Variants in CLASP1 observed in about 807,000 individuals in gnomAD.
CLASP1 encodes CLIP-associating protein 1.
CLASP1 carries 38 observed loss-of-function variants against 192.3 expected under a neutral mutation model. That is an observed-to-expected ratio of 0.20 (90% CI 0.15 to 0.26). CLASP1 has a LOEUF of 0.26. Ranked by LOEUF, CLASP1 falls within the 10% of genes least tolerant of loss-of-function variation. The pLI, the probability that CLASP1 is intolerant of heterozygous loss-of-function variation, is 1.00. For synonymous variants in CLASP1, 691 were observed against 712.8 expected, an observed-to-expected ratio of 0.97 and a Z score of 0.49; for missense variants, 1,433 against 1,932.5, an observed-to-expected ratio of 0.74 and a Z score of 4.85.
At chr2:121,437,397 GA>G (rs1450705949) in intron 19 of CLASP1, among the ~76,000 whole-genome samples, 1 of 152,042 alleles carries the variant, frequency 6.6e-6, no homozygotes, top group Non-Finnish European at 1.5e-5. Context: ...TAACTGTTAA[GA>G]CAATGAAACG....
rs1350083334 is a variant in CLASP1, at chr2:121,613,627, T to A, written c.-285-7447A>T. On this transcript the variant is annotated intron_variant, in intron 1 of 39. Transcript: ENST00000263710. Reference sequence around the variant, plus strand: ...AAAGCACATGCACAAAGCCTTTTTTTTTAAAAAAAAAAAATAGCACCTATC... The same window carrying A: ...AAAGCACATGCACAAAGCCTTTTTTATTAAAAAAAAAAAATAGCACCTATC... 6.4e-4 allele frequency among the ~76,000 whole-genome samples: 47 copies of A among 73,192 alleles called. 1 individual carries two copies. Among genetic ancestry groups the A allele is most frequent in the East Asian group, 1.9e-3 (3 of 1,572 alleles). 48.0% of individuals were successfully genotyped at this position (73,192 alleles called of 152,430 possible). A position where few individuals can be genotyped will look rare whatever the true frequency, so the allele number is the denominator to read the frequency against.
chr2:121,404,775 G>GTA (rs2076669550), intron 25 of CLASP1, among the ~76,000 whole-genome samples: 1 of 152,168 alleles, frequency 6.6e-6, no homozygotes, highest in Admixed American at 6.5e-5. Flanking sequence ...AGGAAACTAA[G>GTA]ACTGAGTGAT....
chr2:121,540,497 A>C (rs2095207484), intron 2 of CLASP1, among the ~76,000 whole-genome samples: 1 of 152,030 alleles, frequency 6.6e-6, no homozygotes, highest in South Asian at 2.1e-4. Flanking sequence ...TTTTAAAACC[A>C]AGCAAACATG....
chr2:121,403,556 A>G, intron 26 of CLASP1: 1 of 453,006 alleles, frequency 2.2e-6, no homozygotes, highest in Non-Finnish European at 4.4e-6. Context: ...TGTCAGCATT[A>G]AAGATTTGCT....
At chr2:121,348,454 T>C (rs1311698258) in intron 38 of CLASP1, 58 bp downstream of exon 39, 11 of 1,484,302 alleles carry the variant, frequency 7.4e-6, no homozygotes, top group Admixed American at 2.0e-5. Flanking sequence ...CTTACATTAC[T>C]TCAAGTTAGG....
chr2:121,586,095 C>A (rs2061686225), intron 2 of CLASP1, among the ~76,000 whole-genome samples: 1 of 152,104 alleles, frequency 6.6e-6, no homozygotes, highest in Non-Finnish European at 1.5e-5. Context: ...ACAAACATAG[C>A]TGACATGTAC....
chr2:121,452,634 T>C (rs1003400498), intron 14 of CLASP1, among the ~76,000 whole-genome samples: 1 of 151,946 alleles, frequency 6.6e-6, no homozygotes, highest in Non-Finnish European at 1.5e-5. Flanking sequence ...CTACTAAAAA[T>C]ACAAAAATTA....
chr2:121,339,088 G>A (rs1179624206), exon 40 of CLASP1: 1 of 152,292 alleles, frequency 6.6e-6, no homozygotes, highest in Non-Finnish European at 1.5e-5. Context: ...GCAGCAGTGA[G>A]GTACCACACA....
intron 32 of CLASP1, among the ~76,000 whole-genome samples, chr2:121,383,087 T>G (rs2149355205): frequency 6.6e-6 from 1 of 152,310 alleles, no homozygotes; most frequent in South Asian, 2.1e-4. Context: ...GCAGAGGCCC[T>G]GAAGGAGAGT....
intron 25 of CLASP1, among the ~76,000 whole-genome samples, chr2:121,406,446 A>G (rs757076023): frequency 6.6e-6 from 1 of 152,214 alleles, no homozygotes; most frequent in Non-Finnish European, 1.5e-5. Flanking sequence ...AAGACCCTAA[A>G]GTATAATGAA....
rs372601155 is a variant in CLASP1 at position 121,365,358 on chromosome 2, G to A, written c.3887-74C>T. ...ACAGGGGCTTGCTCAGTGGTGCGCA[G>A]TGATCCTTCCCTTCCTGCCTCCTCT... On this transcript the variant is annotated intron_variant, in intron 35 of 39. Coordinates refer to ENST00000263710, the Ensembl canonical transcript of CLASP1. 6.5e-5 allele frequency: 88 copies of A among 1,363,616 alleles called. 1 individual carries two copies. The African/African-American group carries it at 6.7e-4, about 10-fold the overall frequency. 84.5% of individuals were successfully genotyped at this position (1,363,616 alleles called of 1,614,324 possible).
intron 2 of CLASP1, among the ~76,000 whole-genome samples, chr2:121,535,063 A>T (rs1313111001): frequency 2.0e-5 from 3 of 152,202 alleles, no homozygotes; most frequent in Non-Finnish European, 4.4e-5. Flanking sequence ...GGATTGCCTT[A>T]GCTTAGGAGT....
At chr2:121,394,478 T>A (rs1167253524) in intron 30 of CLASP1, among the ~76,000 whole-genome samples, 3 of 152,256 alleles carry the variant, frequency 2.0e-5, no homozygotes, top group Non-Finnish European at 4.4e-5. Context: ...GCTGTTAATC[T>A]TATTGAGGAA....
intron 7 of CLASP1, among the ~76,000 whole-genome samples, chr2:121,507,956 G>C (rs2093994181): frequency 6.6e-6 from 1 of 151,814 alleles, no homozygotes; most frequent in Non-Finnish European, 1.5e-5. Flanking sequence ...AAAAACAAAA[G>C]AGAACTTAAG....
At chr2:121,445,265 C>T (rs1305099663) in intron 19 of CLASP1, among the ~76,000 whole-genome samples, 2 of 152,116 alleles carry the variant, frequency 1.3e-5, no homozygotes, top group African/African-American at 4.8e-5. Context: ...AACTCTCATC[C>T]TCTTAAGAGT....
At chr2:121,518,638 CA>C (rs1403622907) in intron 6 of CLASP1, among the ~76,000 whole-genome samples, 1 of 151,866 alleles carries the variant, frequency 6.6e-6, no homozygotes, top group Non-Finnish European at 1.5e-5. Context: ...GTGGCCGAGG[CA>C]GGCAGATCAC....
intron 2 of CLASP1, among the ~76,000 whole-genome samples, chr2:121,564,496 T>C (rs1350726666): frequency 6.6e-6 from 1 of 152,210 alleles, no homozygotes; most frequent in African/African-American, 2.4e-5. Flanking sequence ...TACCCTGTTT[T>C]AGTGACAGAT....
chr2:121,547,832 A>T (rs773113809), intron 2 of CLASP1, among the ~76,000 whole-genome samples: 7 of 152,124 alleles, frequency 4.6e-5, no homozygotes, highest in Non-Finnish European at 1.0e-4. Flanking sequence ...TACCTCACTA[A>T]CGTACCACCC....
chr2:121,508,678 T>A (rs2094018915), intron 7 of CLASP1, among the ~76,000 whole-genome samples: 1 of 152,184 alleles, frequency 6.6e-6, no homozygotes, highest in African/African-American at 2.4e-5. Flanking sequence ...AGAGCTTAAG[T>A]CATCCTCCTG....
Sources: allele counts gnomAD v4.1 joint callset (sites outside exome capture counted in the v4.1 genomes callset), GRCh38; gene constraint gnomAD v4.1.1; transcripts MANE v1.5; gene names NCBI Gene and HGNC (gene_info 2026-07-23, HGNC 2026-07-21).